LRRC4C: variants seen among roughly 807,000 people sequenced by gnomAD.
The protein encoded by LRRC4C is leucine rich repeat containing 4C.
A neutral mutation model predicts 33.6 loss-of-function variants in LRRC4C; 5 were observed. The observed-to-expected ratio is 0.15, with a 90% CI of 0.08 to 0.31. The LOEUF (loss-of-function observed/expected upper bound fraction) is 0.31, where lower values mean the gene tolerates loss of function less well. Among genes scored for constraint, LRRC4C ranks in the 10% least tolerant of loss-of-function variants. LRRC4C has a pLI of 1.00. For synonymous variants in LRRC4C, 329 were observed against 302.0 expected (o/e 1.09, Z -0.93); for missense variants, 560 against 796.7 (o/e 0.70, Z 3.58).
At chr11:41,420,452 G>T (rs1176431727) in intron 1 of LRRC4C, among the ~76,000 whole-genome samples, 1 of 151,998 alleles carries the variant, frequency 6.6e-6, no homozygotes, top group Non-Finnish European at 1.5e-5. Context: ...CCCATAAAAG[G>T]CTGCACATGG....
intron 3 of LRRC4C, among the ~76,000 whole-genome samples, chr11:40,476,354 T>C (rs796553262): frequency 2.1e-5 from 3 of 145,784 alleles, no homozygotes; most frequent in Non-Finnish European, 3.0e-5. Context: ...TTTTTTTTTT[T>C]TTTTTTTTTT....
At chr11:41,243,174 A>T (rs1163939889) in intron 1 of LRRC4C, among the ~76,000 whole-genome samples, 1 of 152,164 alleles carries the variant, frequency 6.6e-6, no homozygotes, top group East Asian at 1.9e-4. Context: ...CTCATGATTC[A>T]GTGATTCTTT....
At chr11:40,560,536 C>T (rs902676108) in intron 3 of LRRC4C, among the ~76,000 whole-genome samples, 3 of 151,064 alleles carry the variant, frequency 2.0e-5, no homozygotes, top group African/African-American at 4.9e-5. Context: ...ACTTTATTTG[C>T]GTGATTATAT....
At chr11:40,908,521 A>C (rs1239593857) in intron 2 of LRRC4C, among the ~76,000 whole-genome samples, 2 of 152,176 alleles carry the variant, frequency 1.3e-5, no homozygotes, top group African/African-American at 4.8e-5. Flanking sequence ...GAAACAAAAC[A>C]GAACTCAAAA....
chr11:40,224,361 T>C (rs1183656250), intron 5 of LRRC4C, among the ~76,000 whole-genome samples: 1 of 152,236 alleles, frequency 6.6e-6, no homozygotes, highest in Non-Finnish European at 1.5e-5. Flanking sequence ...TTTTAATCTA[T>C]CTGTATATGC....
chr11:40,465,220 C>T (rs1054294678), intron 3 of LRRC4C, among the ~76,000 whole-genome samples: 6 of 151,776 alleles, frequency 4.0e-5, no homozygotes, highest in Admixed American at 6.6e-5. Context: ...AAGAAAACCC[C>T]GTTCAATAAA....
intron 3 of LRRC4C, among the ~76,000 whole-genome samples, chr11:40,495,067 C>T (rs898196123): frequency 1.1e-4 from 17 of 152,126 alleles, no homozygotes; most frequent in African/African-American, 4.1e-4. Context: ...ATATTATTAT[C>T]GATAAGTGTC....
At chr11:40,746,892 T>C (rs1026381404) in intron 2 of LRRC4C, among the ~76,000 whole-genome samples, 27 of 152,302 alleles carry the variant, frequency 1.8e-4, no homozygotes, top group African/African-American at 6.5e-4. Flanking sequence ...AATGTTAATG[T>C]GTACTGCTCA....
chr11:41,313,810 T>A (rs1326050400), intron 1 of LRRC4C, among the ~76,000 whole-genome samples: 4 of 152,200 alleles, frequency 2.6e-5, no homozygotes, highest in Admixed American at 1.3e-4. Flanking sequence ...ATTTGATAAA[T>A]TTTTCAGTGG....
chr11:40,949,257 T>G (rs1360909900), intron 1 of LRRC4C, among the ~76,000 whole-genome samples: 2 of 152,196 alleles, frequency 1.3e-5, no homozygotes, highest in Non-Finnish European at 1.5e-5. Context: ...CATTGTAGAT[T>G]CTGGACATTA....
chr11:40,260,299 CA>C (rs1316930480), intron 4 of LRRC4C, among the ~76,000 whole-genome samples: 1 of 142,400 alleles, frequency 7.0e-6, no homozygotes, highest in African/African-American at 2.6e-5. Flanking sequence ...TAAATTATCA[CA>C]AGAACAAAAA....
intron 2 of LRRC4C, among the ~76,000 whole-genome samples, chr11:40,846,747 G>A (rs1267967680): frequency 1.3e-5 from 2 of 152,200 alleles, no homozygotes; most frequent in Non-Finnish European, 2.9e-5. Flanking sequence ...ATTACTTTGG[G>A]CAGTATGGCC....
intron 4 of LRRC4C, among the ~76,000 whole-genome samples, chr11:40,266,598 G>A (rs1450696663): frequency 1.3e-5 from 2 of 151,988 alleles, no homozygotes; most frequent in East Asian, 1.9e-4. Flanking sequence ...TTATACTGAA[G>A]TATTATGTAT....
intron 4 of LRRC4C, among the ~76,000 whole-genome samples, chr11:40,275,480 C>A (rs1056636183): frequency 6.6e-6 from 1 of 152,174 alleles, no homozygotes; most frequent in African/African-American, 2.4e-5. Flanking sequence ...CCCTCTGAAG[C>A]ACAACGGAGC....
At chr11:41,447,196 T>C (rs758969830) in intron 1 of LRRC4C, among the ~76,000 whole-genome samples, 1 of 152,164 alleles carries the variant, frequency 6.6e-6, no homozygotes, top group Non-Finnish European at 1.5e-5. Context: ...TGTATTATCT[T>C]TGCAAGTTAC....
At chr11:40,418,616 A>G (rs1278958262) in intron 3 of LRRC4C, among the ~76,000 whole-genome samples, 1 of 152,218 alleles carries the variant, frequency 6.6e-6, no homozygotes, top group African/African-American at 2.4e-5. Context: ...CTGGGTATAT[A>G]CTCAAAGGAG....
intron 2 of LRRC4C, among the ~76,000 whole-genome samples, chr11:40,752,250 A>G (rs1948727105): frequency 6.6e-6 from 1 of 152,110 alleles, no homozygotes; most frequent in Admixed American, 6.6e-5. Context: ...AAATAGACAA[A>G]TGGGATTCTG....
chr11:40,653,361 T>C (rs1395254816), intron 2 of LRRC4C, among the ~76,000 whole-genome samples: 1 of 152,182 alleles, frequency 6.6e-6, no homozygotes, highest in African/African-American at 2.4e-5. Flanking sequence ...GAAGACCAGG[T>C]TGAGGTGGTC....
intron 3 of LRRC4C, among the ~76,000 whole-genome samples, chr11:40,553,129 C>A (rs781216843): frequency 2.0e-5 from 3 of 151,840 alleles, no homozygotes; most frequent in South Asian, 2.1e-4. Flanking sequence ...AAAATTAGCC[C>A]GGCGTAGTGA....
Sources: allele counts gnomAD v4.1 joint callset (sites outside exome capture counted in the v4.1 genomes callset), GRCh38; gene constraint gnomAD v4.1.1; transcripts MANE v1.5; gene names NCBI Gene and HGNC (gene_info 2026-07-23, HGNC 2026-07-21).